The following PCLAF variants were observed in gnomAD, a reference collection of about 807,000 sequenced individuals.
PCLAF encodes the protein PCNA-associated factor.
Under a neutral mutation model 15.1 loss-of-function variants are expected in PCLAF, and 12 were observed. The ratio of observed to expected loss-of-function variants is 0.79; its 90% confidence interval spans 0.51 to 1.29. The LOEUF is 1.29. PCLAF is among the 50% of genes most tolerant of loss of function. The pLI is 0.00. For synonymous variants in PCLAF, 33 were observed against 47.1 expected (o/e 0.70, Z 1.22); for missense variants, 116 against 130.9 (o/e 0.89, Z 0.56).
At chr15:64,377,495 A>AAAAAAAAAT (rs1899655861) in intron 2 of PCLAF, among the ~76,000 whole-genome samples, 1 of 24,838 alleles carries the variant, frequency 4.0e-5, no homozygotes, top group African/African-American at 1.7e-4. Flanking sequence ...AAAAATATAT[A>AAAAAAAAAT]TATATATATA....
intron 3 of PCLAF, among the ~76,000 whole-genome samples, chr15:64,372,265 T>C (rs1899352182): frequency 6.6e-6 from 1 of 152,282 alleles, no homozygotes; most frequent in East Asian, 1.9e-4. Context: ...CATGCTTGGA[T>C]TTGGAGTAAA....
chr15:64,385,802 C>T (rs890345008), upstream of PCLAF, among the ~76,000 whole-genome samples: 1 of 151,980 alleles, frequency 6.6e-6, no homozygotes, highest in African/African-American at 2.4e-5. Flanking sequence ...AACCAAGGAC[C>T]CAGAACAAAA....
upstream of PCLAF, among the ~76,000 whole-genome samples, chr15:64,385,624 CAAAAAAAGAAAAAGAAA>C (rs1372034861): frequency 4.8e-5 from 7 of 147,180 alleles, no homozygotes; most frequent in Admixed American, 1.4e-4. Context: ...AACTCCATCT[CAAAAAAAGAAAAAGAAA>C]AAAAAAAGAA....
chr15:64,381,380 A>AAGAAG lies in PCLAF; in HGVS notation c.-14_-10dup. 1 of 1,614,144 alleles carries AAGAAG rather than the reference A, an allele frequency of 6.2e-7. No individual in the cohort carries two copies. Among genetic ancestry groups the AAGAAG allele is most frequent in the South Asian group, 1.1e-5 (1 of 91,086 alleles). On this transcript the variant is annotated 5_prime_UTR_variant, in exon 1 of 4. Coordinates refer to ENST00000300035, the MANE Select transcript of PCLAF (RefSeq NM_014736.6). The stretch of plus-strand genomic sequence containing the variant: ...GCTTTAGTCCGCACCATGTTCAAAC[A>AAGAAG]AGAAGAGAGGAGAGGAGAGAACGAA...
chr15:64,381,629 G>C, upstream of PCLAF: 6 of 1,001,024 alleles, frequency 6.0e-6, no homozygotes, highest in Non-Finnish European at 8.4e-6. Context: ...CCTAGGATTC[G>C]TAGGCGCCCC....
intron 1 of PCLAF, among the ~76,000 whole-genome samples, chr15:64,386,799 A>C (rs1423965542): frequency 6.6e-6 from 1 of 152,176 alleles, no homozygotes; most frequent in Non-Finnish European, 1.5e-5. Flanking sequence ...CAAAAAGGTA[A>C]AACAGCTGCC....
rs746162199 is a variant in PCLAF, at chr15:64,380,947, G to A, written c.127+11C>T. 3.1e-6 allele frequency: 5 copies of A among 1,612,356 alleles called. No homozygotes were observed. In the South Asian group the frequency reaches 3.3e-5, roughly 11 times the overall value. ...GGACTGATCCCCTAACTTTAGGAGGGCTCTTCTTACCTTTCCTCGATGAAA... is the reference window on the plus strand; with the variant it reads ...GGACTGATCCCCTAACTTTAGGAGGACTCTTCTTACCTTTCCTCGATGAAA... On this transcript the variant is annotated intron_variant, in intron 2 of 3. Transcript: ENST00000300035.
Position 64,364,673 on chromosome 15 carries a change from T to C in PCLAF, c.*1357A>G, listed in dbSNP as rs1221666045. 11 of 150,968 alleles carry C rather than the reference T, an allele frequency of 7.3e-5. No homozygotes were observed. Among genetic ancestry groups the C allele is most frequent in the Non-Finnish European group, 1.6e-4 (11 of 67,760 alleles). The allele number at this position is 150,968 out of a possible 1,614,324, so 9.4% of individuals were successfully genotyped here. On this transcript the variant is annotated 3_prime_UTR_variant, in exon 4 of 4. Coordinates refer to ENST00000300035, the MANE Select transcript of PCLAF (RefSeq NM_014736.6). ...TTTTTATTGTTCATATATAAATATA[T>C]ATTTTTTTCTTTTCTTTCTTTTTTT...
At chr15:64,381,442 A>AC, upstream of PCLAF, 2 of 1,607,914 alleles carry the variant, frequency 1.2e-6, no homozygotes, top group South Asian at 2.2e-5. Flanking sequence ...CTGGACAAGG[A>AC]CCCGAAAACT....
intron 3 of PCLAF, among the ~76,000 whole-genome samples, chr15:64,366,603 T>C (rs1269821797): frequency 6.6e-6 from 1 of 152,064 alleles, no homozygotes; most frequent in Non-Finnish European, 1.5e-5. Context: ...TTTGGGAGGA[T>C]GAGGCAGGAG....
chr15:64,380,709 A>AG (rs1391603013), intron 2 of PCLAF, among the ~76,000 whole-genome samples: 5 of 152,182 alleles, frequency 3.3e-5, no homozygotes, highest in Non-Finnish European at 5.9e-5. Context: ...GTCTAAAAAA[A>AG]GAAAAGAAAA....
At chr15:64,367,423 A>C (rs1899084972) in intron 3 of PCLAF, among the ~76,000 whole-genome samples, 1 of 151,100 alleles carries the variant, frequency 6.6e-6, no homozygotes, top group Non-Finnish European at 1.5e-5. Context: ...GAATTGCTTG[A>C]ACCTAGGAGG....
chr15:64,368,124 C>A (rs60174358), intron 3 of PCLAF, among the ~76,000 whole-genome samples: 3 of 151,750 alleles, frequency 2.0e-5, no homozygotes, highest in African/African-American at 4.8e-5. Flanking sequence ...GGTGGATCAT[C>A]TGAGGTCAGG....
rs970528281 is a variant in PCLAF at position 64,366,015 on chromosome 15, A to C, written c.*15T>G. The C allele has an allele frequency of 1.6e-5, 25 of 1,596,328 alleles. No homozygotes were observed. In the Admixed American group the frequency reaches 3.4e-4, roughly 22 times the overall value. The stretch of plus-strand genomic sequence containing the variant: ...GTAAACAAGGAGACGTTATTCAAAG[A>C]TGAATGAGAAAGTTCTATTCTTTTT... On this transcript the variant is annotated 3_prime_UTR_variant, in exon 4 of 4. Transcript: ENST00000300035.
chr15:64,386,354 T>C (rs1257146564), upstream of PCLAF, among the ~76,000 whole-genome samples: 1 of 152,140 alleles, frequency 6.6e-6, no homozygotes, highest in African/African-American at 2.4e-5. Context: ...AAGGCCTTGC[T>C]CTGTCGCCCA....
At position 64,381,333 on chromosome 15, in the gene PCLAF, G is replaced by A. The variant is rs1899812058; in HGVS notation, c.39C>T (p.Tyr13=). The change falls in exon 1 of 4, where the codon TAC becomes TAT. Residue 13 remains tyrosine, a synonymous_variant. Coordinates refer to ENST00000300035, the MANE Select transcript of PCLAF (RefSeq NM_014736.6). ...RTKADSVPGT[Y]RKVVAARAPR... The stretch of plus-strand genomic sequence containing the variant: ...CACACTCGATCGCCTCACCTTTTCT[G>A]TAAGTGCCTGGAACACTGTCTGCTT... 1.2e-6 allele frequency: 2 copies of A among 1,614,166 alleles called. No individual in the cohort carries two copies. The highest frequency in any genetic ancestry group is 1.7e-6 in the Non-Finnish European group (2 of 1,180,028).
chr15:64,375,898 T>C (rs1293663793), intron 3 of PCLAF, among the ~76,000 whole-genome samples: 3 of 152,246 alleles, frequency 2.0e-5, no homozygotes, highest in South Asian at 2.1e-4. Flanking sequence ...CTTTGAGAGA[T>C]TGGGAAGAGT....
intron 2 of PCLAF, among the ~76,000 whole-genome samples, chr15:64,378,129 A>G (rs538968371): frequency 6.6e-6 from 1 of 151,996 alleles, no homozygotes; most frequent in South Asian, 2.1e-4. Context: ...ACAGGGTTTC[A>G]CCATGCTAGG....
At chr15:64,382,995 AAAC>A (rs1008899018), upstream of PCLAF, 5 of 159,072 alleles carry the variant, frequency 3.1e-5, no homozygotes, top group East Asian at 1.9e-4. Context: ...CCGTCTCTAA[AAAC>A]AACAACAAAA....
Sources: allele counts gnomAD v4.1 joint callset (sites outside exome capture counted in the v4.1 genomes callset), GRCh38; gene constraint gnomAD v4.1.1; transcripts MANE v1.5; gene names NCBI Gene and HGNC (gene_info 2026-07-23, HGNC 2026-07-21).